The following ITGBL1 variants were observed in gnomAD, a reference collection of about 807,000 sequenced individuals.
ITGBL1 encodes integrin beta-like protein 1.
Under a neutral mutation model 68.5 loss-of-function variants are expected in ITGBL1, and 51 were observed. That is an observed-to-expected ratio of 0.74 (90% CI 0.59 to 0.94). The LOEUF (loss-of-function observed/expected upper bound fraction) is 0.94. Among genes scored for constraint, ITGBL1 ranks in the 40% least tolerant of loss-of-function variants. ITGBL1 has a pLI of 0.00. For missense variants in ITGBL1, 649 were observed against 647.4 expected, an observed-to-expected ratio of 1.00 and a Z score of -0.03; for synonymous variants, 209 against 227.3, an observed-to-expected ratio of 0.92 and a Z score of 0.72.
At chr13:101,522,440 TAG>T (rs1407859901) in intron 2 of ITGBL1, among the ~76,000 whole-genome samples, 1 of 152,132 alleles carries the variant, frequency 6.6e-6, no homozygotes. Context: ...ACACATGTCA[TAG>T]AGAAATTTGA....
chr13:101,559,440 T>C (rs1303492176), intron 2 of ITGBL1, among the ~76,000 whole-genome samples: 1 of 152,238 alleles, frequency 6.6e-6, no homozygotes, highest in African/African-American at 2.4e-5. Flanking sequence ...GTTTTAGCAT[T>C]ATTCAATTTT....
chr13:101,578,872 T>C (rs954574264), intron 4 of ITGBL1, among the ~76,000 whole-genome samples: 1 of 152,222 alleles, frequency 6.6e-6, no homozygotes, highest in Non-Finnish European at 1.5e-5. Flanking sequence ...TCTATCTAGG[T>C]AAATATGCAC....
downstream of ITGBL1, chr13:101,717,765 G>C (rs2034780751): frequency 6.6e-6 from 1 of 152,100 alleles, no homozygotes; most frequent in Non-Finnish European, 1.5e-5. Context: ...GGGTGGATTT[G>C]GCTGGCAGCT....
intron 7 of ITGBL1, among the ~76,000 whole-genome samples, chr13:101,643,566 A>C (rs1269963809): frequency 6.6e-6 from 1 of 152,182 alleles, no homozygotes; most frequent in African/African-American, 2.4e-5. Context: ...GTATGTTGGA[A>C]TAAAGTCCAC....
At chr13:101,604,877 T>C (rs936967622) in intron 7 of ITGBL1, among the ~76,000 whole-genome samples, 290 of 21,670 alleles carry the variant, frequency 0.013, 13 homozygotes, top group East Asian at 0.1. Context: ...TATATATATA[T>C]ATATATATAT....
chr13:101,453,941 G>A lies in ITGBL1; in HGVS notation c.157G>A (p.Ala53Thr). Residue 53 changes from alanine to threonine, a missense_variant, in exon 2 of 11, where the codon GCA becomes ACA. Physicochemically the swap from Ala to Thr is moderately conservative, Grantham distance 58 (BLOSUM62 0). Transcript: ENST00000376180. Reference protein sequence around the residue: ...SRAESERRCRAPGQPPGAALC... With the variant: ...SRAESERRCRTPGQPPGAALC... ...GGCCGAGTCGGAGCGACGCTGCCGC[G>A]CACCTGGGCAGCCCCCGGGGGCCGC... is the stretch of plus-strand genomic sequence containing the variant. 2.8e-6 allele frequency: 4 copies of A among 1,418,466 alleles called. No homozygotes were observed. The highest frequency in any genetic ancestry group is 3.0e-5 in the East Asian group (1 of 33,224). 87.9% of individuals were successfully genotyped at this position (1,418,466 alleles called of 1,614,324 possible).
intron 7 of ITGBL1, among the ~76,000 whole-genome samples, chr13:101,668,403 TA>T (rs2033277240): frequency 6.6e-6 from 1 of 152,054 alleles, no homozygotes; most frequent in Non-Finnish European, 1.5e-5. Context: ...ATAGGTAAAA[TA>T]AAATAAAATA....
chr13:101,696,861 T>A (rs531087343), intron 8 of ITGBL1, among the ~76,000 whole-genome samples: 3 of 151,942 alleles, frequency 2.0e-5, no homozygotes, highest in African/African-American at 7.3e-5. Flanking sequence ...GGAAGAACTA[T>A]TCCAGTTTTG....
At chr13:101,524,371 A>ACT (rs1464732178) in intron 2 of ITGBL1, among the ~76,000 whole-genome samples, 10 of 129,822 alleles carry the variant, frequency 7.7e-5, no homozygotes, top group Admixed American at 6.7e-4. Context: ...AGATTGTAAA[A>ACT]CTCAATGTAT....
rs1215391462 is a variant in ITGBL1, at chr13:101,512,043, T to C, written c.317-55656T>C. Among the ~76,000 whole-genome samples the C allele has an allele frequency of 3.3e-5, 5 of 152,170 alleles. No individual in the cohort carries two copies. In the East Asian group the frequency reaches 7.7e-4, roughly 23 times the overall value. On this transcript the variant is annotated intron_variant, in intron 2 of 10. Transcript: ENST00000376180. ...ATGTTGTCATTCTAATTTGAAATAATACCCCTCTGACAAATAGTAGCAGTT... is the reference window on the plus strand; with the variant it reads ...ATGTTGTCATTCTAATTTGAAATAACACCCCTCTGACAAATAGTAGCAGTT...
At chr13:101,623,559 A>T (rs2031666953) in intron 7 of ITGBL1, among the ~76,000 whole-genome samples, 1 of 152,226 alleles carries the variant, frequency 6.6e-6, no homozygotes, top group Non-Finnish European at 1.5e-5. Context: ...TGGCTCCCAT[A>T]CAGATTCCTG....
At chr13:101,519,022 C>T (rs1302048247) in intron 2 of ITGBL1, among the ~76,000 whole-genome samples, 1 of 152,152 alleles carries the variant, frequency 6.6e-6, no homozygotes, top group Non-Finnish European at 1.5e-5. Flanking sequence ...CAGATACATG[C>T]ACACCCACAT....
chr13:101,462,488 G>T (rs1364137737), intron 2 of ITGBL1, among the ~76,000 whole-genome samples: 2 of 152,208 alleles, frequency 1.3e-5, no homozygotes, highest in Non-Finnish European at 2.9e-5. Flanking sequence ...TTCATATCTG[G>T]CTGTTGGTAT....
At chr13:101,474,730 G>T (rs934013447) in intron 2 of ITGBL1, among the ~76,000 whole-genome samples, 6 of 152,140 alleles carry the variant, frequency 3.9e-5, no homozygotes, top group African/African-American at 1.4e-4. Flanking sequence ...TGTGAAAAGA[G>T]AGACTACATT....
intron 2 of ITGBL1, among the ~76,000 whole-genome samples, chr13:101,547,385 T>C (rs372910852): frequency 2.0e-5 from 3 of 151,980 alleles, no homozygotes; most frequent in South Asian, 2.1e-4. Flanking sequence ...AATTGATATT[T>C]AATGACTTTA....
chr13:101,709,342 G>C (rs191622086), intron 9 of ITGBL1, among the ~76,000 whole-genome samples: 1 of 127,492 alleles, frequency 7.8e-6, no homozygotes, highest in Non-Finnish European at 1.6e-5. Context: ...TCCGCAGTCC[G>C]GCCTGGGTGA....
intron 2 of ITGBL1, among the ~76,000 whole-genome samples, chr13:101,469,366 A>G (rs1240983251): frequency 6.6e-6 from 1 of 152,172 alleles, no homozygotes; most frequent in Non-Finnish European, 1.5e-5. Flanking sequence ...TGGTCTTTCA[A>G]TATTTCAAAT....
chr13:101,624,202 T>A (rs1231337909), intron 7 of ITGBL1, among the ~76,000 whole-genome samples: 2 of 152,176 alleles, frequency 1.3e-5, no homozygotes, highest in Admixed American at 1.3e-4. Flanking sequence ...TTAGCATGGA[T>A]CTGTTAATAC....
chr13:101,530,241 G>A (rs889730939), intron 2 of ITGBL1, among the ~76,000 whole-genome samples: 1 of 152,030 alleles, frequency 6.6e-6, no homozygotes, highest in African/African-American at 2.4e-5. Flanking sequence ...AGTATGAAAT[G>A]TAATTATATA....
Sources: allele counts gnomAD v4.1 joint callset (sites outside exome capture counted in the v4.1 genomes callset), GRCh38; gene constraint gnomAD v4.1.1; transcripts MANE v1.5; gene names NCBI Gene and HGNC (gene_info 2026-07-23, HGNC 2026-07-21).